The following SPATA16 variants were observed in gnomAD, a reference collection of about 807,000 sequenced individuals.
The protein encoded by SPATA16 is spermatogenesis-associated protein 16.
In SPATA16, 36 loss-of-function variants were observed where a neutral mutation model predicts 63.3. The ratio of observed to expected loss-of-function variants is 0.57; its 90% CI spans 0.44 to 0.75. The LOEUF (loss-of-function observed/expected upper bound fraction) is 0.75, where lower values mean the gene tolerates loss of function less well. Ranked by LOEUF, SPATA16 falls within the 30% of genes least tolerant of loss-of-function variation. SPATA16 has a pLI of 0.00. For missense variants in SPATA16, 646 were observed against 679.3 expected, an observed-to-expected ratio of 0.95 and a Z score of 0.54; for synonymous variants, 203 against 216.7, an observed-to-expected ratio of 0.94 and a Z score of 0.56.
intron 2 of SPATA16, among the ~76,000 whole-genome samples, chr3:173,103,810 G>C (rs987137585): frequency 3.9e-5 from 6 of 152,228 alleles, no homozygotes; most frequent in African/African-American, 1.2e-4. Context: ...TTGCTCTGCA[G>C]CCTGCTTGAA....
intron 1 of SPATA16, among the ~76,000 whole-genome samples, chr3:173,129,197 C>G (rs1738306380): frequency 6.6e-6 from 1 of 152,158 alleles, no homozygotes; most frequent in Non-Finnish European, 1.5e-5. Flanking sequence ...AACTCAGGAG[C>G]AAGAGATCAG....
At chr3:173,057,022 G>A (rs1326427150) in intron 2 of SPATA16, among the ~76,000 whole-genome samples, 2 of 151,272 alleles carry the variant, frequency 1.3e-5, no homozygotes, top group African/African-American at 4.9e-5. Flanking sequence ...GCATACTCAC[G>A]TATTTATTTT....
intron 4 of SPATA16, among the ~76,000 whole-genome samples, chr3:172,979,014 G>A (rs1343372927): frequency 3.3e-5 from 5 of 152,156 alleles, no homozygotes; most frequent in African/African-American, 9.7e-5. Context: ...GAGGTCGGCG[G>A]ATCATGAGGT....
chr3:173,009,186 G>A (rs1735004449), intron 4 of SPATA16, among the ~76,000 whole-genome samples: 1 of 151,236 alleles, frequency 6.6e-6, no homozygotes, highest in Non-Finnish European at 1.5e-5. Flanking sequence ...TGTGGCTCCT[G>A]GAGAGAAAAC....
rs752930014 is a variant in SPATA16 at position 173,076,722 on chromosome 3, A to AG, written c.613-27629dup. 9.2e-5 allele frequency among the ~76,000 whole-genome samples: 14 copies of AG among 152,304 alleles called. 1 individual carries two copies. The highest frequency in any genetic ancestry group is 2.6e-4 in the Admixed American group (4 of 15,296). On this transcript the variant is annotated intron_variant, in intron 2 of 10. Coordinates refer to ENST00000351008, the MANE Select transcript of SPATA16 (RefSeq NM_031955.6). ...TTTTAAAGAGTTTGCTCTTAAAAAT[A>AG]GGATAAAGGAAAATTATTCACTAAT...
intron 6 of SPATA16, among the ~76,000 whole-genome samples, chr3:172,936,360 T>A (rs1278144692): frequency 1.3e-5 from 2 of 152,222 alleles, no homozygotes; most frequent in Non-Finnish European, 2.9e-5. Context: ...CTTGGAGAAC[T>A]TCTGGGTTGG....
At chr3:173,011,605 G>T (rs977586081) in intron 4 of SPATA16, among the ~76,000 whole-genome samples, 1 of 151,966 alleles carries the variant, frequency 6.6e-6, no homozygotes, top group African/African-American at 2.4e-5. Context: ...AGTCCTAGCC[G>T]GCAAACTTAG....
intron 1 of SPATA16, among the ~76,000 whole-genome samples, chr3:173,135,324 A>G (rs1738513994): frequency 6.6e-6 from 1 of 152,248 alleles, no homozygotes; most frequent in African/African-American, 2.4e-5. Flanking sequence ...ATTGGCAAGT[A>G]TATGGCATAA....
At chr3:172,930,830 G>A (rs971030094) in intron 6 of SPATA16, among the ~76,000 whole-genome samples, 3 of 150,454 alleles carry the variant, frequency 2.0e-5, no homozygotes, top group African/African-American at 7.4e-5. Flanking sequence ...GAGATTACAG[G>A]CGTGAGCCAC....
intron 3 of SPATA16, among the ~76,000 whole-genome samples, chr3:173,030,100 ATCTAC>A (rs1735568625): frequency 6.7e-6 from 1 of 148,752 alleles, no homozygotes; most frequent in Non-Finnish European, 1.5e-5. Flanking sequence ...CTATCTATCT[ATCTAC>A]CCACCCACCT....
At position 173,019,535 on chromosome 3, in the gene SPATA16, G is replaced by A. The variant is rs141658177; in HGVS notation, c.799C>T (p.Arg267Cys). 3.9e-5 allele frequency: 63 copies of A among 1,613,938 alleles called. No homozygotes were observed. The highest frequency in any genetic ancestry group is 4.4e-5 in the Non-Finnish European group (52 of 1,179,978). ...LNPAYFRNHL[R>C]QATVFRCLER... ...AGACATCTAAACACTGTTGCTTGAC[G>A]AAGATGATTCCGGAAATAGGCTGGG... Residue 267 changes from arginine (R) to cysteine (C), a missense_variant, in exon 4 of 11, where the codon CGT becomes TGT. By Grantham distance (180) the Arg-to-Cys change is radical. Coordinates refer to ENST00000351008, the MANE Select transcript of SPATA16 (RefSeq NM_031955.6).
At chr3:172,954,626 C>A (rs1217157489) in intron 6 of SPATA16, among the ~76,000 whole-genome samples, 2 of 152,180 alleles carry the variant, frequency 1.3e-5, no homozygotes, top group Non-Finnish European at 2.9e-5. Flanking sequence ...AAAAATAACA[C>A]CTGACCTTTC....
chr3:172,914,227 T>A (rs1412581428), intron 9 of SPATA16, among the ~76,000 whole-genome samples: 1 of 152,172 alleles, frequency 6.6e-6, no homozygotes, highest in Non-Finnish European at 1.5e-5. Flanking sequence ...TGTTTTTTTC[T>A]TTGTTAAAAT....
Position 173,101,882 on chromosome 3 carries a change from G to T in SPATA16, c.612+15238C>A, listed in dbSNP as rs16846568. Among the ~76,000 whole-genome samples, 4 of 151,960 alleles carry T rather than the reference G, an allele frequency of 2.6e-5. No individual in the cohort carries two copies. In the South Asian group the frequency reaches 8.3e-4, roughly 32 times the overall value. ...CCACTATGCATTCTCTTCACTGGAC[G>T]CTTTCTTCTGTCCTCTCCTACCCAG... On this transcript the variant is annotated intron_variant, in intron 2 of 10. Transcript: ENST00000351008.
chr3:172,955,989 T>C (rs1399591099), intron 6 of SPATA16, among the ~76,000 whole-genome samples: 1 of 152,148 alleles, frequency 6.6e-6, no homozygotes, highest in Non-Finnish European at 1.5e-5. Context: ...TAGAAGGATG[T>C]GATATCAGGT....
At chr3:173,056,505 C>T (rs1230864195) in intron 2 of SPATA16, among the ~76,000 whole-genome samples, 2 of 151,960 alleles carry the variant, frequency 1.3e-5, no homozygotes, top group Non-Finnish European at 2.9e-5. Context: ...GAATTCAAGA[C>T]CAGCTTGGCC....
chr3:172,962,615 G>A (rs1026838089), intron 5 of SPATA16, among the ~76,000 whole-genome samples: 1 of 152,094 alleles, frequency 6.6e-6, no homozygotes, highest in African/African-American at 2.4e-5. Flanking sequence ...TGTGATAAAT[G>A]CTTTTATATA....
At chr3:172,954,386 G>C (rs1481028444) in intron 6 of SPATA16, among the ~76,000 whole-genome samples, 1 of 152,126 alleles carries the variant, frequency 6.6e-6, no homozygotes, top group African/African-American at 2.4e-5. Context: ...ATCTCCACCT[G>C]GCCATGCCCT....
At chr3:173,061,692 A>G (rs1736383223) in intron 2 of SPATA16, among the ~76,000 whole-genome samples, 1 of 152,212 alleles carries the variant, frequency 6.6e-6, no homozygotes. Context: ...CTGTAGAATA[A>G]CACCCATTGG....
Sources: gnomAD v4.1 joint callset for allele counts (sites outside exome capture counted in the v4.1 genomes callset) on GRCh38, gnomAD v4.1.1 for gene constraint, MANE v1.5 for transcripts, NCBI Gene and HGNC (gene_info 2026-07-23, HGNC 2026-07-21) for gene names.